NDUFAF6: variants seen among roughly 807,000 people sequenced by gnomAD.
The protein encoded by NDUFAF6 is NADH:ubiquinone oxidoreductase complex assembly factor 6.
In NDUFAF6, 45 loss-of-function variants were observed where a neutral mutation model predicts 40.8. The observed-to-expected ratio is 1.10, with a 90% confidence interval of 0.87 to 1.42. The LOEUF is 1.42. Ranked by LOEUF, NDUFAF6 falls within the 40% of genes most tolerant of loss-of-function variation. The probability of loss-of-function intolerance (pLI) is 0.00; values close to 1 mark genes in which losing one functional copy is unlikely to be tolerated. For synonymous variants in NDUFAF6, 185 were observed against 155.9 expected (o/e 1.19, Z -1.39); for missense variants, 435 against 418.5 (o/e 1.04, Z -0.34).
intron 1 of NDUFAF6, among the ~76,000 whole-genome samples, chr8:94,924,350 G>A (rs1160266493): frequency 2.6e-5 from 4 of 152,084 alleles, no homozygotes; most frequent in African/African-American, 4.8e-5. Flanking sequence ...ATGAGCCACC[G>A]CACCCGGCCC....
chr8:94,925,456 T>C (rs972509319), intron 1 of NDUFAF6, among the ~76,000 whole-genome samples: 3 of 152,174 alleles, frequency 2.0e-5, no homozygotes, highest in African/African-American at 7.2e-5. Context: ...TCTATATTTT[T>C]AAACATTGAT....
In NDUFAF6 at chr8:94,908,808, G is replaced by T. The variant is rs78632439; in HGVS notation, c.-936+12881G>T. ...GAATAAGACTCAGAGGAGTCAGAGG[G>T]CTTCTCTAAGATTATTTAGCTTGCA... On this transcript the variant is annotated intron_variant, in intron 1 of 14. Transcript: ENST00000396113. 6.8e-3 allele frequency among the ~76,000 whole-genome samples: 1,042 copies of T among 152,280 alleles called. 15 individuals carry two copies. Among genetic ancestry groups the T allele is most frequent in the African/African-American group, 0.024 (984 of 41,540 alleles).
exon 10 of NDUFAF6, chr8:95,076,051 T>C: frequency 5.9e-6 from 1 of 168,930 alleles, no homozygotes; most frequent in Admixed American, 6.0e-5. Flanking sequence ...ATAAAAGGGC[T>C]CAATTTTTAC....
intron 1 of NDUFAF6, among the ~76,000 whole-genome samples, chr8:94,934,002 G>A (rs549829497): frequency 1.3e-5 from 2 of 151,812 alleles, no homozygotes; most frequent in African/African-American, 2.4e-5. Context: ...GCTTGAACCC[G>A]GGAGGCAGAG....
intron 1 of NDUFAF6, among the ~76,000 whole-genome samples, chr8:94,933,486 C>T (rs921174647): frequency 3.3e-5 from 5 of 152,052 alleles, no homozygotes; most frequent in Admixed American, 6.6e-5. Flanking sequence ...ATATCTGGGC[C>T]GGGCACAGTG....
chr8:94,913,537 C>T (rs948497366), intron 1 of NDUFAF6, among the ~76,000 whole-genome samples: 5 of 152,142 alleles, frequency 3.3e-5, no homozygotes, highest in Admixed American at 1.3e-4. Context: ...TGGCTCACGC[C>T]GGTAATCCCA....
chr8:95,031,782 G>A (rs900742676), intron 1 of NDUFAF6, among the ~76,000 whole-genome samples: 4 of 152,174 alleles, frequency 2.6e-5, no homozygotes, highest in African/African-American at 7.2e-5. Flanking sequence ...TGTATTTTTA[G>A]TAGAGACGAG....
chr8:94,952,380 G>A (rs967099674), intron 2 of NDUFAF6, among the ~76,000 whole-genome samples: 9 of 152,212 alleles, frequency 5.9e-5, no homozygotes, highest in African/African-American at 2.2e-4. Flanking sequence ...TGTCTGTACT[G>A]AGGAGAATGG....
At chr8:94,921,232 T>C (rs1819480654) in intron 1 of NDUFAF6, among the ~76,000 whole-genome samples, 1 of 152,224 alleles carries the variant, frequency 6.6e-6, no homozygotes, top group Non-Finnish European at 1.5e-5. Flanking sequence ...CTTCCCCCAC[T>C]TGTGGAGCAA....
chr8:94,963,997 C>T lies in NDUFAF6; in HGVS notation c.-199+5818C>T, dbSNP rs1338553600. 4.6e-5 allele frequency among the ~76,000 whole-genome samples: 7 copies of T among 152,194 alleles called. No homozygotes were observed. The East Asian group carries it at 1.4e-3, about 29-fold the overall frequency. On this transcript the variant is annotated intron_variant, in intron 1 of 9. Transcript: ENST00000396111. ...GTCATCTTAGTCCTTCCTGGGGATT[C>T]CCCCTGCACCCAAGGCTGTGCTAAA...
chr8:94,971,450 G>A (rs780571624), intron 1 of NDUFAF6, among the ~76,000 whole-genome samples: 1 of 152,156 alleles, frequency 6.6e-6, no homozygotes, highest in Non-Finnish European at 1.5e-5. Flanking sequence ...GACTCCAGAT[G>A]GATCATTGGG....
intron 1 of NDUFAF6, among the ~76,000 whole-genome samples, chr8:95,029,532 C>G (rs1453118225): frequency 2.6e-5 from 4 of 152,226 alleles, no homozygotes; most frequent in Admixed American, 2.6e-4. Flanking sequence ...TCCAGTATTA[C>G]CATTTAATCC....
In NDUFAF6 at chr8:95,058,705, A is replaced by C. The variant is rs1832476597; in HGVS notation, c.*768A>C. 1 of 1,009,772 alleles carries C rather than the reference A, an allele frequency of 9.9e-7. No homozygotes were observed. Among genetic ancestry groups the C allele is most frequent in the Non-Finnish European group, 1.2e-6 (1 of 846,580 alleles). The allele number at this position is 1,009,772 out of a possible 1,614,324, so 62.6% of individuals were successfully genotyped here. A position where few individuals can be genotyped will look rare whatever the true frequency, so the allele number is the denominator to read the frequency against. ...TGAACATCCATTAAAGGGTTGCTAC[A>C]CTTTATACTGTACATTCTGCGCTAT... On this transcript the variant is annotated 3_prime_UTR_variant, in exon 9 of 9. Coordinates refer to ENST00000396124, the MANE Select transcript of NDUFAF6 (RefSeq NM_152416.4).
intron 1 of NDUFAF6, among the ~76,000 whole-genome samples, chr8:94,917,057 T>G: frequency 7.9e-6 from 1 of 126,796 alleles, no homozygotes; most frequent in South Asian, 2.4e-4. Context: ...CTGGCAGTGA[T>G]CCGAGACCAC....
chr8:95,081,143 C>CTTTTTTT (rs559573385), downstream of NDUFAF6, among the ~76,000 whole-genome samples: 8 of 57,758 alleles, frequency 1.4e-4, no homozygotes, highest in African/African-American at 3.2e-4. Context: ...AGTCCTGCAT[C>CTTTTTTT]TTTTTTTTTT....
At chr8:94,928,717 T>A (rs1820115752) in intron 1 of NDUFAF6, 1 of 152,222 alleles carries the variant, frequency 6.6e-6, no homozygotes, top group Non-Finnish European at 1.5e-5. Context: ...ACATTTGACG[T>A]CTTCCACTCC....
intron 2 of NDUFAF6, among the ~76,000 whole-genome samples, chr8:94,945,785 AAAG>A (rs1365136913): frequency 2.0e-5 from 3 of 152,282 alleles, no homozygotes; most frequent in Non-Finnish European, 2.9e-5. Context: ...GAGGTGAAGC[AAAG>A]AAGGTTAGGT....
intron 1 of NDUFAF6, among the ~76,000 whole-genome samples, chr8:94,980,442 G>GTTTT (rs869184585): frequency 2.3e-4 from 25 of 107,920 alleles, no homozygotes; most frequent in African/African-American, 3.6e-4. Context: ...TGGTTTTTTT[G>GTTTT]TTTTTTTTTT....
At chr8:95,095,536 G>C (rs1370838075), upstream of NDUFAF6, among the ~76,000 whole-genome samples, 1 of 152,066 alleles carries the variant, frequency 6.6e-6, no homozygotes, top group Non-Finnish European at 1.5e-5. Context: ...TTCTTGTTCT[G>C]GCCTGAGGCT....
Sources: gnomAD v4.1 joint callset for allele counts (sites outside exome capture counted in the v4.1 genomes callset) on GRCh38, gnomAD v4.1.1 for gene constraint, MANE v1.5 for transcripts, NCBI Gene and HGNC (gene_info 2026-07-23, HGNC 2026-07-21) for gene names.